The following IGSF9 variants were observed in gnomAD, a reference collection of about 807,000 sequenced individuals.
IGSF9 encodes the protein immunoglobulin superfamily member 9.
A neutral mutation model predicts 121.7 loss-of-function variants in IGSF9; 87 were observed. That is an observed-to-expected ratio of 0.71 (90% CI 0.60 to 0.85). IGSF9 has a LOEUF of 0.85. Ranked by LOEUF, IGSF9 falls within the 40% of genes least tolerant of loss-of-function variation. The pLI is 0.00. For missense variants in IGSF9, 1,462 were observed against 1,565.3 expected, an observed-to-expected ratio of 0.93 and a Z score of 1.11; for synonymous variants, 640 against 648.4, an observed-to-expected ratio of 0.99 and a Z score of 0.20.
At chr1:159,943,248 G>A in intron 2 of IGSF9, 97 bp from the exon 3 acceptor site, 1 of 1,319,050 alleles carries the variant, frequency 7.6e-7, no homozygotes, top group Non-Finnish European at 1.0e-6. Context: ...TAGGACTTTG[G>A]GTGACTGGAG....
Position 159,930,082 on chromosome 1 carries a change from C to G in IGSF9, c.2064+107G>C. On this transcript the variant is annotated intron_variant, in intron 15 of 20. Transcript: ENST00000368094. The stretch of plus-strand genomic sequence containing the variant: ...TGGGACGGAAGGGTGAGGTAGGACG[C>G]AGAGGTGAAGAGCTCAAATCAAGAT... The G allele has an allele frequency of 1.9e-6, 3 of 1,549,370 alleles. No individual in the cohort carries two copies. The South Asian group carries it at 3.6e-5, about 18-fold the overall frequency.
At chr1:159,930,922 C>G in intron 13 of IGSF9, 55 bp from the exon 14 acceptor site, 1 of 1,517,028 alleles carries the variant, frequency 6.6e-7, no homozygotes, top group Non-Finnish European at 8.9e-7. Flanking sequence ...ACCAGAAGAT[C>G]TGGGGTCCAG....
rs776162697 is a variant in IGSF9, at chr1:159,943,473, AC to A, written c.-20del. The A allele has an allele frequency of 1.8e-5, 27 of 1,542,208 alleles. No homozygotes were observed. The highest frequency in any genetic ancestry group is 2.4e-5 in the Non-Finnish European group (27 of 1,144,496). On this transcript the variant is annotated 5_prime_UTR_variant, in exon 2 of 21. Coordinates refer to ENST00000368094, the MANE Select transcript of IGSF9 (RefSeq NM_001135050.2). ...ACACCATAGCCCAGCTGGCCTGCTCACCCAGCCCCTCCTATCCACAGGAGCC... is the reference window on the plus strand; with the variant it reads ...ACACCATAGCCCAGCTGGCCTGCTCACCAGCCCCTCCTATCCACAGGAGCC...
chr1:159,938,052 G>A (rs1250284964), intron 3 of IGSF9, among the ~76,000 whole-genome samples: 3 of 152,174 alleles, frequency 2.0e-5, no homozygotes, highest in Admixed American at 6.5e-5. Flanking sequence ...CGACAGCTGG[G>A]ACCCTGTCTA....
chr1:159,933,219 T>G (rs1262155856), intron 9 of IGSF9: 1 of 152,888 alleles, frequency 6.5e-6, no homozygotes, highest in Non-Finnish European at 1.5e-5. Flanking sequence ...TCAGAACCCC[T>G]CTTCCTATGT....
In IGSF9 at chr1:159,934,735, G is replaced by A; in HGVS notation, c.761C>T (p.Pro254Leu). 1 of 1,614,242 alleles carries A rather than the reference G, an allele frequency of 6.2e-7. No individual in the cohort carries two copies. The highest frequency in any genetic ancestry group is 8.5e-7 in the Non-Finnish European group (1 of 1,180,032). Reference protein sequence around the residue: ...VSLACHAEAYPANLTYSWFQD... With the variant: ...VSLACHAEAYLANLTYSWFQD... Reference sequence around the variant, plus strand: ...GAACCAGCTGTAGGTGAGGTTAGCAGGGTATGCCTCAGCATGGCAGGCCAA... The same window carrying A: ...GAACCAGCTGTAGGTGAGGTTAGCAAGGTATGCCTCAGCATGGCAGGCCAA... The change falls in exon 7 of 21, where the codon CCT (proline) becomes CTT (leucine). Residue 254 changes from proline (P) to leucine (L), a missense_variant. Physicochemically the swap from Pro to Leu is moderately conservative, Grantham distance 98. This residue lies in a region of IGSF9 where 558 missense variants were observed against 599.4 expected (regional missense o/e 0.93). Coordinates refer to ENST00000368094, the MANE Select transcript of IGSF9 (RefSeq NM_001135050.2).
At position 159,928,297 on chromosome 1, in the gene IGSF9, C is replaced by T. The variant is rs200740943; in HGVS notation, c.3091G>A (p.Ala1031Thr). ...LTSQSSGRGSASFLRPPSTAP... is the reference protein window; with the variant it reads ...LTSQSSGRGSTSFLRPPSTAP... ...GTGGAGGGGGGCCGCAGGAACGAAG[C>T]GCTGCCTCGCCCACTGCTCTGGCTG... Residue 1031 changes from alanine to threonine, a missense_variant, in exon 19 of 21, where the codon GCT becomes ACT. By Grantham distance (58) the Ala-to-Thr change is moderately conservative. Coordinates refer to ENST00000368094, the MANE Select transcript of IGSF9 (RefSeq NM_001135050.2). 876 of 1,611,916 alleles carry T rather than the reference C, an allele frequency of 5.4e-4. 9 individuals are homozygous for T. In the African/African-American group the frequency reaches 9.9e-3, roughly 18 times the overall value.
intron 16 of IGSF9, 23 bp from the exon 17 acceptor site, chr1:159,929,837 G>C (rs1650917899): frequency 1.3e-6 from 2 of 1,596,886 alleles, no homozygotes; most frequent in Admixed American, 1.7e-5. Flanking sequence ...CCACGAGGGA[G>C]GGTCAGTGGA....
Position 159,934,413 on chromosome 1 carries a change from G to GGTC in IGSF9, c.961+9_961+11dup. Reference sequence around the variant, plus strand: ...GGGAGCAGGCTGAGGGAGAAGCTGGGGTCAGGCTTACAGAGCACAGTGAGG... The same window carrying GGTC: ...GGGAGCAGGCTGAGGGAGAAGCTGGGGTCGTCAGGCTTACAGAGCACAGTGAGG... On this transcript the variant is annotated intron_variant, in intron 8 of 20. Coordinates refer to ENST00000368094, the MANE Select transcript of IGSF9 (RefSeq NM_001135050.2). The GGTC allele has an allele frequency of 6.4e-7, 1 of 1,573,684 alleles. No homozygotes were observed. The highest frequency in any genetic ancestry group is 8.6e-7 in the Non-Finnish European group (1 of 1,159,302).
Position 159,930,320 on chromosome 1 carries a change from G to T in IGSF9, c.1933C>A (p.Pro645Thr). 2.5e-6 allele frequency: 4 copies of T among 1,612,956 alleles called. No individual in the cohort carries two copies. The highest frequency in any genetic ancestry group is 3.4e-6 in the Non-Finnish European group (4 of 1,179,352). ...AGTCTCTTAGGGACCAGCTCTGGGG[G>T]ATCCCAATGCAGGAGTACCCCCCGG... ...TPRGVLLHWD[P>T]PELVPKRLDG... Residue 645 changes from proline (P) to threonine (T), a missense_variant, in exon 15 of 21, where the codon CCC becomes ACC. Physicochemically the swap from Pro to Thr is conservative, Grantham distance 38. Coordinates refer to ENST00000368094, the MANE Select transcript of IGSF9 (RefSeq NM_001135050.2).
intron 19 of IGSF9, 102 bp downstream of exon 19, chr1:159,928,056 A>C: frequency 6.7e-7 from 1 of 1,500,096 alleles, no homozygotes; most frequent in Non-Finnish European, 9.0e-7. Flanking sequence ...TCCCGTTCCC[A>C]GGGTGGGAGT....
rs768570017 is a variant in IGSF9 at position 159,929,018 on chromosome 1, G to C, written c.2370C>G (p.Pro790=). ...CAGGACTGCCTGAGCCCAGAGCAGA[G>C]CTGGGGAAGGACAGGAGATCAGGGT... is the stretch of plus-strand genomic sequence containing the variant. ...IFSPTGKSAA[P]SALGSGSPDS... Residue 790 remains proline (P), a splice_region_variant and synonymous_variant, in exon 19 of 21, where the codon CCC becomes CCG. Transcript: ENST00000368094. 9 of 1,515,896 alleles carry C rather than the reference G, an allele frequency of 5.9e-6. No individual in the cohort carries two copies. Among genetic ancestry groups the C allele is most frequent in the African/African-American group, 1.4e-5 (1 of 71,792 alleles). 93.9% of individuals were successfully genotyped at this position (1,515,896 alleles called of 1,614,324 possible). A position where few individuals can be genotyped will look rare whatever the true frequency, so the allele number is the denominator to read the frequency against.
Position 159,927,371 on chromosome 1 carries a change from G to T in IGSF9, c.3514C>A (p.His1172Asn). ...RLPAYRQPVP[H>N]PEQATLL Reference sequence around the variant, plus strand: ...CACAGCAGAGTGGCCTGTTCGGGGTGGGGGACTGGCTGTCGATAGGCTGGT... The same window carrying T: ...CACAGCAGAGTGGCCTGTTCGGGGTTGGGGACTGGCTGTCGATAGGCTGGT... Residue 1172 changes from histidine to asparagine, a missense_variant, in exon 21 of 21, where the codon CAC (histidine) becomes AAC (asparagine). Around this residue, in one of 3 missense-constraint regions of IGSF9, gnomAD observed 808 missense variants for 815.2 expected, o/e 0.99. Transcript: ENST00000368094. 2 of 1,613,772 alleles carry T rather than the reference G, an allele frequency of 1.2e-6. No homozygotes were observed. Among genetic ancestry groups the T allele is most frequent in the Admixed American group, 1.7e-5 (1 of 60,026 alleles).
At chr1:159,929,221 T>C in intron 18 of IGSF9, 130 bp downstream of exon 18, 1 of 1,353,972 alleles carries the variant, frequency 7.4e-7, no homozygotes, top group Non-Finnish European at 1.1e-6. Flanking sequence ...ACACCCCTTC[T>C]TACCCTCTCC....
chr1:159,928,753 G>C lies in IGSF9; in HGVS notation c.2635C>G (p.Arg879Gly), dbSNP rs745553705. The stretch of plus-strand genomic sequence containing the variant: ...CTACAGTCAAAGGACCGGGCCAGAC[G>C]CTGGGCTGGAGTCCGAGGTTCTGCC... ...EQAEPRTPAQRLARSFDCSSS... is the reference protein window; with the variant it reads ...EQAEPRTPAQGLARSFDCSSS... Residue 879 changes from arginine to glycine, a missense_variant, in exon 19 of 21, where the codon CGT becomes GGT. Arg to Gly is a moderately radical substitution (Grantham distance 125, BLOSUM62 -2). Around this residue, in one of 3 missense-constraint regions of IGSF9, gnomAD observed 808 missense variants for 815.2 expected, o/e 0.99. Transcript: ENST00000368094. 3 of 1,477,102 alleles carry C rather than the reference G, an allele frequency of 2.0e-6. No homozygotes were observed. In the African/African-American group the frequency reaches 4.2e-5, roughly 21 times the overall value. The allele number at this position is 1,477,102 out of a possible 1,614,324, so 91.5% of individuals were successfully genotyped here. A position where few individuals can be genotyped will look rare whatever the true frequency, so the allele number is the denominator to read the frequency against.
rs143630342 is a variant in IGSF9, at chr1:159,937,758, C to A, written c.328G>T (p.Val110Leu). ...VEDQGWYECR[V>L]FFLDQHIPED... is the part of the protein sequence containing the mutation. ...GGGATGTGCTGGTCCAGGAAGAACA[C>A]GCGGCACTCGTACCAGCCCTGGTCT... Residue 110 changes from valine (V) to leucine (L), a missense_variant, in exon 4 of 21, where the codon GTG (valine) becomes TTG (leucine). Val to Leu is a conservative substitution (Grantham distance 32). Transcript: ENST00000368094. The A allele has an allele frequency of 8.1e-6, 13 of 1,613,940 alleles. No individual in the cohort carries two copies. Among genetic ancestry groups the A allele is most frequent in the Non-Finnish European group, 1.0e-5 (12 of 1,179,974 alleles).
At chr1:159,940,525 G>A (rs1651341525) in intron 3 of IGSF9, among the ~76,000 whole-genome samples, 1 of 152,206 alleles carries the variant, frequency 6.6e-6, no homozygotes, top group Admixed American at 6.5e-5. Context: ...AGGAGACACA[G>A]TCTCTGCTCT....
At chr1:159,935,206 G>A (rs1651142107) in intron 6 of IGSF9, among the ~76,000 whole-genome samples, 1 of 152,000 alleles carries the variant, frequency 6.6e-6, no homozygotes, top group African/African-American at 2.4e-5. Flanking sequence ...ACCTCAAGAT[G>A]CTGCAGCAGC....
In IGSF9 at chr1:159,928,470, G is replaced by A. The variant is rs1331233155; in HGVS notation, c.2918C>T (p.Pro973Leu). The change falls in exon 19 of 21, where the codon CCT becomes CTT. Residue 973 changes from proline (P) to leucine (L), a missense_variant. By Grantham distance (98) the Pro-to-Leu change is moderately conservative (BLOSUM62 -3). Coordinates refer to ENST00000368094, the MANE Select transcript of IGSF9 (RefSeq NM_001135050.2). ...AAGTGATTCCCTGGGGGATACAGGA[G>A]GGGTTTCTGGAGAACGAAGGAAAGA... is the stretch of plus-strand genomic sequence containing the variant. ...TSSFLRSPET[P>L]PVSPRESLPG... 6.3e-7 allele frequency: 1 copy of A among 1,590,122 alleles called. No individual in the cohort carries two copies. Among genetic ancestry groups the A allele is most frequent in the African/African-American group, 1.3e-5 (1 of 74,382 alleles).
Sources: allele counts gnomAD v4.1 joint callset (sites outside exome capture counted in the v4.1 genomes callset), GRCh38; gene constraint gnomAD v4.1.1; regional missense constraint gnomAD v4.1.1; transcripts MANE v1.5; gene names NCBI Gene and HGNC (gene_info 2026-07-23, HGNC 2026-07-21).